The following LMX1A variants were observed in gnomAD, a reference collection of about 807,000 sequenced individuals.
LMX1A encodes LIM homeobox transcription factor 1 alpha.
In LMX1A, 15 loss-of-function variants were observed where a neutral mutation model predicts 49.1. That is an observed-to-expected ratio of 0.31 (90% CI 0.20 to 0.47). The LOEUF (loss-of-function observed/expected upper bound fraction) is 0.47, where lower values mean the gene tolerates loss of function less well. LMX1A is among the 20% of genes least tolerant of loss of function. LMX1A has a pLI of 1.00. For missense variants in LMX1A, 372 were observed against 475.8 expected (o/e 0.78, Z 2.03); for synonymous variants, 167 against 185.7 (o/e 0.90, Z 0.82).
At chr1:165,326,280 T>C (rs896584108) in intron 3 of LMX1A, among the ~76,000 whole-genome samples, 2 of 152,228 alleles carry the variant, frequency 1.3e-5, no homozygotes, top group Non-Finnish European at 2.9e-5. Flanking sequence ...GATTTCCATA[T>C]GATGGCTTCT....
chr1:165,332,234 A>G (rs1028125481), intron 3 of LMX1A, among the ~76,000 whole-genome samples: 3 of 152,218 alleles, frequency 2.0e-5, no homozygotes, highest in African/African-American at 4.8e-5. Context: ...AACAAACAAC[A>G]GAGTGCATAA....
chr1:165,284,736 A>T (rs1396502742), intron 3 of LMX1A, among the ~76,000 whole-genome samples: 1 of 152,220 alleles, frequency 6.6e-6, no homozygotes, highest in Non-Finnish European at 1.5e-5. Flanking sequence ...CCAACACGGA[A>T]GTCCTTCAGC....
chr1:165,349,774 T>C (rs1489078630), intron 3 of LMX1A, among the ~76,000 whole-genome samples: 1 of 152,224 alleles, frequency 6.6e-6, no homozygotes, highest in East Asian at 1.9e-4. Flanking sequence ...ACTTGGTGTT[T>C]GACATTGTAA....
At chr1:165,261,186 T>C (rs1211885535) in intron 3 of LMX1A, among the ~76,000 whole-genome samples, 1 of 152,166 alleles carries the variant, frequency 6.6e-6, no homozygotes, top group South Asian at 2.1e-4. Context: ...GAGAACCCCA[T>C]AGAAGTTTCA....
chr1:165,311,487 G>A (rs894194083), intron 3 of LMX1A, among the ~76,000 whole-genome samples: 3 of 152,144 alleles, frequency 2.0e-5, no homozygotes, highest in African/African-American at 4.8e-5. Context: ...TGCAGCTGTC[G>A]GCTGTGGAGG....
At chr1:165,266,067 C>A (rs1653609916) in intron 3 of LMX1A, among the ~76,000 whole-genome samples, 1 of 152,150 alleles carries the variant, frequency 6.6e-6, no homozygotes, top group South Asian at 2.1e-4. Context: ...GGTACTACTG[C>A]AGGTTCTAGG....
intron 4 of LMX1A, among the ~76,000 whole-genome samples, chr1:165,229,077 G>C (rs1652150629): frequency 6.6e-6 from 1 of 151,814 alleles, no homozygotes; most frequent in Non-Finnish European, 1.5e-5. Flanking sequence ...TCAAATATCA[G>C]CTGCCTTTAA....
intron 3 of LMX1A, among the ~76,000 whole-genome samples, chr1:165,316,360 C>T (rs1175809880): frequency 1.3e-5 from 2 of 152,202 alleles, no homozygotes; most frequent in African/African-American, 2.4e-5. Context: ...GTTGCTGCTT[C>T]AGGGCCCAGG....
At chr1:165,334,949 A>C (rs1464807404) in intron 3 of LMX1A, among the ~76,000 whole-genome samples, 1 of 152,202 alleles carries the variant, frequency 6.6e-6, no homozygotes, top group Non-Finnish European at 1.5e-5. Flanking sequence ...TCTGTCCTAG[A>C]GTATTCCCTG....
intron 3 of LMX1A, among the ~76,000 whole-genome samples, chr1:165,336,125 T>C (rs1655890189): frequency 6.6e-6 from 1 of 152,140 alleles, no homozygotes; most frequent in Non-Finnish European, 1.5e-5. Context: ...TGCCTGCCTT[T>C]TAGAAATAAG....
At chr1:165,241,330 A>C (rs190051940) in intron 4 of LMX1A, among the ~76,000 whole-genome samples, 1 of 152,358 alleles carries the variant, frequency 6.6e-6, no homozygotes, top group East Asian at 1.9e-4. Flanking sequence ...CTTATGACCC[A>C]GGAGCCATCC....
intron 4 of LMX1A, among the ~76,000 whole-genome samples, chr1:165,215,056 G>A (rs185047188): frequency 0.03 from 4,576 of 152,022 alleles, 227 homozygotes; most frequent in African/African-American, 0.1. Context: ...GGTGGCTCAA[G>A]CCTATAATCC....
intron 3 of LMX1A, among the ~76,000 whole-genome samples, chr1:165,259,016 A>G: frequency 6.6e-6 from 1 of 152,236 alleles, no homozygotes; most frequent in East Asian, 1.9e-4. Context: ...AGCTGCTCTC[A>G]ATAAGTAGTA....
chr1:165,249,600 C>T lies in LMX1A; in HGVS notation c.304G>A (p.Ala102Thr), dbSNP rs778377042. 26 of 1,614,036 alleles carry T rather than the reference C, an allele frequency of 1.6e-5. No homozygotes were observed. The highest frequency in any genetic ancestry group is 8.9e-5 in the East Asian group (4 of 44,890). ...GCCCGCATAACAAACTCATTGGGAG[C>T]GATGGCCTCGAAGCAGCCCCCACAT... ...VKCGGCFEAIAPNEFVMRAQK... is the reference protein window; with the variant it reads ...VKCGGCFEAITPNEFVMRAQK... Residue 102 changes from alanine (A) to threonine (T), a missense_variant, in exon 4 of 9, where the codon GCT (alanine) becomes ACT (threonine). By Grantham distance (58) the Ala-to-Thr change is moderately conservative. Transcript: ENST00000342310.
intron 3 of LMX1A, among the ~76,000 whole-genome samples, chr1:165,351,473 G>A (rs531882449): frequency 2.4e-4 from 37 of 152,268 alleles, no homozygotes; most frequent in South Asian, 1.2e-3. Context: ...AGACAACCAA[G>A]AATACACAGT....
chr1:165,220,427 A>C (rs1651799717), intron 4 of LMX1A, among the ~76,000 whole-genome samples: 2 of 152,290 alleles, frequency 1.3e-5, no homozygotes, highest in South Asian at 4.1e-4. Context: ...GAAAGGAAGA[A>C]GGTGTGTGCA....
chr1:165,220,085 G>A (rs1324127226), intron 4 of LMX1A, among the ~76,000 whole-genome samples: 4 of 152,140 alleles, frequency 2.6e-5, no homozygotes, highest in Non-Finnish European at 5.9e-5. Flanking sequence ...TGGAATGGAG[G>A]CTTCTCAAAT....
chr1:165,305,039 C>G (rs1311399486), intron 3 of LMX1A, among the ~76,000 whole-genome samples: 1 of 152,208 alleles, frequency 6.6e-6, no homozygotes, highest in Non-Finnish European at 1.5e-5. Context: ...TTCCTTGTCT[C>G]TTGGGCCCTC....
intron 3 of LMX1A, among the ~76,000 whole-genome samples, chr1:165,271,582 C>T (rs1653794431): frequency 6.6e-6 from 1 of 152,156 alleles, no homozygotes; most frequent in South Asian, 2.1e-4. Flanking sequence ...TCCTGCAGGA[C>T]ATCCCTGCAA....
Sources: allele counts gnomAD v4.1 joint callset (sites outside exome capture counted in the v4.1 genomes callset), GRCh38; gene constraint gnomAD v4.1.1; transcripts MANE v1.5; gene names NCBI Gene and HGNC (gene_info 2026-07-23, HGNC 2026-07-21).